Variants in PDE9A observed in about 807,000 individuals in gnomAD.
PDE9A encodes high affinity cGMP-specific 3',5'-cyclic phosphodiesterase 9A.
In PDE9A, 60 loss-of-function variants were observed where a neutral mutation model predicts 87.4. The observed-to-expected ratio is 0.69, with a 90% CI of 0.56 to 0.85. The LOEUF (loss-of-function observed/expected upper bound fraction) is 0.85. PDE9A is among the 40% of genes least tolerant of loss of function. The pLI, the probability that PDE9A is intolerant of heterozygous loss-of-function variation, is 0.00. For synonymous variants in PDE9A, 272 were observed against 279.4 expected, an observed-to-expected ratio of 0.97 and a Z score of 0.27; for missense variants, 665 against 779.0, an observed-to-expected ratio of 0.85 and a Z score of 1.74.
intron 7 of PDE9A, chr21:42,741,804 A>C (rs2053303137): frequency 6.6e-6 from 1 of 152,198 alleles, no homozygotes; most frequent in Non-Finnish European, 1.5e-5. Flanking sequence ...TGGGGTGGGA[A>C]GGAGTTGTTA....
In PDE9A at chr21:42,685,467, C is replaced by CTTTTTTTTT. The variant is rs765252066; in HGVS notation, c.70-717_70-709dup. Among the ~76,000 whole-genome samples the CTTTTTTTTT allele has an allele frequency of 7.5e-4, 87 of 115,924 alleles. 11 individuals are homozygous for CTTTTTTTTT. Among genetic ancestry groups the CTTTTTTTTT allele is most frequent in the African/African-American group, 2.8e-3 (79 of 28,046 alleles). The allele number at this position is 115,924 out of a possible 152,430, so 76.1% of individuals were successfully genotyped here. On this transcript the variant is annotated intron_variant, in intron 1 of 19. Coordinates refer to ENST00000291539, the MANE Select transcript of PDE9A (RefSeq NM_002606.3). The stretch of plus-strand genomic sequence containing the variant: ...CAGTCCCCAAATACCGAAAGGCAGT[C>CTTTTTTTTT]TTTTTTTTTTTTTTTTGAGACGGAG...
At chr21:42,711,052 G>GC (rs1449620265) in intron 4 of PDE9A, among the ~76,000 whole-genome samples, 3 of 152,106 alleles carry the variant, frequency 2.0e-5, no homozygotes, top group African/African-American at 7.2e-5. Context: ...TTTGTCACTG[G>GC]TTTGTAGGAA....
At chr21:42,738,526 C>A (rs8133738) in intron 7 of PDE9A, among the ~76,000 whole-genome samples, 110,368 of 151,256 alleles carry the variant, frequency 0.73, 40,812 homozygotes, top group East Asian at 0.9. Flanking sequence ...GCTCTCCCCA[C>A]CCTCCGGCTC....
intron 9 of PDE9A, among the ~76,000 whole-genome samples, chr21:42,751,448 G>A (rs1017313659): frequency 3.3e-5 from 5 of 152,174 alleles, no homozygotes. Flanking sequence ...TGTCTGCCCG[G>A]CCCCGGGAGC....
At chr21:42,654,489 C>T (rs1375462210) in intron 1 of PDE9A, among the ~76,000 whole-genome samples, 1 of 152,112 alleles carries the variant, frequency 6.6e-6, no homozygotes, top group African/African-American at 2.4e-5. Flanking sequence ...AGAATAGACC[C>T]CCTTTGTTCG....
chr21:42,746,162 C>T (rs182557539), intron 8 of PDE9A, among the ~76,000 whole-genome samples: 3 of 152,336 alleles, frequency 2.0e-5, no homozygotes, highest in Admixed American at 1.3e-4. Context: ...CTGTAGAAAG[C>T]AAGGCGAGTG....
chr21:42,657,500 G>T (rs2057169277), intron 1 of PDE9A, among the ~76,000 whole-genome samples: 1 of 152,180 alleles, frequency 6.6e-6, no homozygotes, highest in Admixed American at 6.5e-5. Context: ...TTCCTCAGCT[G>T]CCCCTACCCT....
At chr21:42,665,199 G>A (rs1347518341) in intron 1 of PDE9A, among the ~76,000 whole-genome samples, 1 of 152,232 alleles carries the variant, frequency 6.6e-6, no homozygotes, top group African/African-American at 2.4e-5. Context: ...AGCTGGAAGA[G>A]GCAAGCCTCC....
chr21:42,700,573 G>A (rs966285486), intron 4 of PDE9A: 2 of 152,152 alleles, frequency 1.3e-5, no homozygotes, highest in South Asian at 2.1e-4. Flanking sequence ...GTAGGACCAC[G>A]AGCTTCTCCA....
intron 4 of PDE9A, among the ~76,000 whole-genome samples, chr21:42,726,614 ATATATATATAT>A (rs1331229129): frequency 3.5e-4 from 8 of 22,600 alleles, no homozygotes; most frequent in African/African-American, 2.4e-3. Context: ...ATATATATAT[ATATATATATAT>A]TTTTTTTTTT....
Position 42,705,846 on chromosome 21 carries a change from C to T in PDE9A, c.262+6835C>T, listed in dbSNP as rs567634199. On this transcript the variant is annotated intron_variant, in intron 4 of 19. Transcript: ENST00000291539. The surrounding 1 kb of genome is among the most constrained non-coding windows in gnomAD (Gnocchi z 4.3). The stretch of plus-strand genomic sequence containing the variant: ...CCCAGGACCTGTCTCTAGTCACACA[C>T]ACCCTGTTCAGCCTCTGCATCTGGC... Among the ~76,000 whole-genome samples, 2 of 152,238 alleles carry T rather than the reference C, an allele frequency of 1.3e-5. No individual in the cohort carries two copies. The highest frequency in any genetic ancestry group is 2.9e-5 in the Non-Finnish European group (2 of 67,984).
intron 14 of PDE9A, among the ~76,000 whole-genome samples, chr21:42,763,977 T>C (rs1569269858): frequency 6.6e-6 from 1 of 152,152 alleles, no homozygotes; most frequent in Non-Finnish European, 1.5e-5. Context: ...TCTTGCGAAA[T>C]TGTCAAATGC....
intron 1 of PDE9A, among the ~76,000 whole-genome samples, chr21:42,654,195 T>A (rs942287564): frequency 6.6e-5 from 10 of 151,994 alleles, no homozygotes; most frequent in African/African-American, 2.4e-4. Context: ...TAATTTCCGG[T>A]GGATCGGCCC....
chr21:42,670,381 C>T (rs1428416575), intron 1 of PDE9A, among the ~76,000 whole-genome samples: 2 of 112,228 alleles, frequency 1.8e-5, no homozygotes, highest in Admixed American at 7.6e-5. Context: ...CACACACATT[C>T]ACATTTACAT....
chr21:42,738,220 CAA>C (rs2052680886), intron 7 of PDE9A, among the ~76,000 whole-genome samples: 1 of 152,200 alleles, frequency 6.6e-6, no homozygotes, highest in African/African-American at 2.4e-5. Flanking sequence ...CCGGCTGGGG[CAA>C]AGTTTAACAC....
At chr21:42,699,778 C>T (rs530826869) in intron 4 of PDE9A, among the ~76,000 whole-genome samples, 46 of 152,168 alleles carry the variant, frequency 3.0e-4, no homozygotes, top group African/African-American at 9.6e-4. Flanking sequence ...AGGCTGGTCT[C>T]GAACTCCTGA....
At chr21:42,737,840 G>A (rs1224431372) in intron 7 of PDE9A, among the ~76,000 whole-genome samples, 2 of 152,220 alleles carry the variant, frequency 1.3e-5, no homozygotes, top group African/African-American at 4.8e-5. Flanking sequence ...TGGTGGACTT[G>A]TCTTAAATGG....
intron 8 of PDE9A, among the ~76,000 whole-genome samples, chr21:42,745,614 C>T (rs906618074): frequency 5.9e-5 from 9 of 152,214 alleles, no homozygotes; most frequent in Non-Finnish European, 1.0e-4. Context: ...TCACCTGTGG[C>T]ACCGCCCTTG....
chr21:42,658,898 G>C (rs1048958688), intron 1 of PDE9A, among the ~76,000 whole-genome samples: 9 of 152,180 alleles, frequency 5.9e-5, no homozygotes, highest in Non-Finnish European at 1.5e-5. Flanking sequence ...GGAGGGGGTG[G>C]CGGTGGTGGA....
Sources: gnomAD v4.1 joint callset for allele counts (sites outside exome capture counted in the v4.1 genomes callset) on GRCh38, gnomAD v4.1.1 for gene constraint, Gnocchi (gnomAD v3.1) non-coding constraint, MANE v1.5 for transcripts, NCBI Gene and HGNC (gene_info 2026-07-23, HGNC 2026-07-21) for gene names.